The following ERO1B variants were observed in gnomAD, a reference collection of about 807,000 sequenced individuals.
The protein encoded by ERO1B is ERO1-like protein beta.
A neutral mutation model predicts 75.3 loss-of-function variants in ERO1B; 49 were observed. That is an observed-to-expected ratio of 0.65 (90% confidence interval 0.52 to 0.83). The LOEUF is 0.83. Ranked by LOEUF, ERO1B falls within the 40% of genes least tolerant of loss-of-function variation. The pLI, the probability that ERO1B is intolerant of heterozygous loss-of-function variation, is 0.00. For synonymous variants in ERO1B, 191 were observed against 192.9 expected, an observed-to-expected ratio of 0.99 and a Z score of 0.08; for missense variants, 512 against 560.1, an observed-to-expected ratio of 0.91 and a Z score of 0.87.
rs147228444 is a variant in ERO1B at position 236,256,322 on chromosome 1, G to C, written c.223-2817C>G. The stretch of plus-strand genomic sequence containing the variant: ...CCCTGGCTTGCTTCAGGGAACTCCA[G>C]ACCAAAAGGTTACTCCTGCAAGGTG... On this transcript the variant is annotated intron_variant, in intron 2 of 15. Coordinates refer to ENST00000354619, the MANE Select transcript of ERO1B (RefSeq NM_019891.4). 3.1e-3 allele frequency among the ~76,000 whole-genome samples: 473 copies of C among 152,162 alleles called. 8 individuals are homozygous for C. The highest frequency in any genetic ancestry group is 0.014 in the Admixed American group (220 of 15,288).
At chr1:236,253,268 T>G (rs1665082248) in intron 3 of ERO1B, among the ~76,000 whole-genome samples, 154 bp downstream of exon 3, 1 of 152,228 alleles carries the variant, frequency 6.6e-6, no homozygotes, top group South Asian at 2.1e-4. Flanking sequence ...GTATAGAATC[T>G]TCAATAATCT....
chr1:236,250,965 G>C (rs1421502715), intron 4 of ERO1B, among the ~76,000 whole-genome samples: 1 of 151,868 alleles, frequency 6.6e-6, no homozygotes, highest in East Asian at 1.9e-4. Context: ...ATGAGACAAA[G>C]GACAAAAATG....
In ERO1B at chr1:236,226,720, T is replaced by C. The variant is rs201707210; in HGVS notation, c.732A>G (p.Arg244=). ...GTCCCGATATAAGCTTATAGAAGAC[T>C]CTTTTCTCCAGACACAAACCTATTC... The part of the protein sequence containing the change: ...TWLEGLCLEK[R]VFYKLISGLH... The change falls in exon 11 of 16, where the codon AGA becomes AGG. Residue 244 remains arginine (R), a synonymous_variant. Transcript: ENST00000354619. 6.2e-6 allele frequency: 10 copies of C among 1,611,196 alleles called. No homozygotes were observed. The East Asian group carries it at 2.2e-4, about 36-fold the overall frequency.
At chr1:236,279,216 G>GA (rs1665769066) in intron 1 of ERO1B, among the ~76,000 whole-genome samples, 2 of 152,308 alleles carry the variant, frequency 1.3e-5, no homozygotes, top group Admixed American at 1.3e-4. Flanking sequence ...TCTAAAAGAT[G>GA]ATCAGGCCAG....
rs1665843408 is a variant in ERO1B at position 236,281,812 on chromosome 1, C to A, written c.-29G>T. 3 of 1,390,530 alleles carry A rather than the reference C, an allele frequency of 2.2e-6. No homozygotes were observed. Among genetic ancestry groups the A allele is most frequent in the Admixed American group, 5.4e-5 (2 of 37,254 alleles). 86.1% of individuals were successfully genotyped at this position (1,390,530 alleles called of 1,614,324 possible). On this transcript the variant is annotated 5_prime_UTR_variant, in exon 1 of 16. Coordinates refer to ENST00000354619, the MANE Select transcript of ERO1B (RefSeq NM_019891.4). Reference sequence around the variant, plus strand: ...GACCTCTACCCACACCGCGGCCAGCCGGACCCCTCGGGGCCGGGGAACGAC... The same window carrying A: ...GACCTCTACCCACACCGCGGCCAGCAGGACCCCTCGGGGCCGGGGAACGAC...
At chr1:236,258,503 G>A (rs187329859) in intron 2 of ERO1B, among the ~76,000 whole-genome samples, 1 of 152,150 alleles carries the variant, frequency 6.6e-6, no homozygotes, top group African/African-American at 2.4e-5. Context: ...AAAACGTAAG[G>A]AAATTTATCA....
At chr1:236,222,292 T>C (rs1009004689) in intron 13 of ERO1B, among the ~76,000 whole-genome samples, 11 of 152,178 alleles carry the variant, frequency 7.2e-5, no homozygotes, top group Non-Finnish European at 1.3e-4. Context: ...TTTGTATTTT[T>C]AGTAGAGACG....
At position 236,226,392 on chromosome 1, in the gene ERO1B, T is replaced by G. The variant is rs766994953; in HGVS notation, c.929A>C (p.Glu310Ala). ...LKNLYFLYLI[E>A]LRALSKVAPY... is the part of the protein sequence containing the mutation. ...AGCCACCTTTGACAAAGCTCGAAGC[T>G]CAATCAAGTATAAAAAGTAAAGATT... The change falls in exon 12 of 16, where the codon GAG (glutamate) becomes GCG (alanine). Residue 310 changes from glutamate to alanine, a missense_variant. Transcript: ENST00000354619. The G allele has an allele frequency of 3.7e-6, 6 of 1,614,154 alleles. No individual in the cohort carries two copies. The South Asian group carries it at 6.6e-5, about 18-fold the overall frequency.
intron 5 of ERO1B, among the ~76,000 whole-genome samples, chr1:236,245,369 C>T (rs1189979134): frequency 6.1e-5 from 3 of 49,424 alleles, no homozygotes; most frequent in South Asian, 6.5e-4. Context: ...TATATATATA[C>T]GTATATATAT....
Position 236,269,832 on chromosome 1 carries a change from A to G in ERO1B, c.222+43T>C, listed in dbSNP as rs563086895. 13 of 1,394,156 alleles carry G rather than the reference A, an allele frequency of 9.3e-6. No homozygotes were observed. The African/African-American group carries it at 2.0e-4, about 22-fold the overall frequency. The allele number at this position is 1,394,156 out of a possible 1,614,324, so 86.4% of individuals were successfully genotyped here. Reference sequence around the variant, plus strand: ...TTCAAAAGGATCATAAAGGTCACATATAATACCTTTGATATCAACAGAATA... The same window carrying G: ...TTCAAAAGGATCATAAAGGTCACATGTAATACCTTTGATATCAACAGAATA... On this transcript the variant is annotated intron_variant, in intron 2 of 15. Transcript: ENST00000354619.
At chr1:236,263,863 A>T (rs1260699479) in intron 2 of ERO1B, among the ~76,000 whole-genome samples, 1 of 137,140 alleles carries the variant, frequency 7.3e-6, no homozygotes, top group East Asian at 2.1e-4. Context: ...GGCTCAAGCG[A>T]TACTTCCAGC....
chr1:236,247,780 G>C lies in ERO1B; in HGVS notation c.431+2105C>G, dbSNP rs1017382308. ...TTGATGACTGTGCTGCAGTTACATT[G>C]GTCTTATTGTGTTTAAGTCTAGGCA... On this transcript the variant is annotated intron_variant, in intron 5 of 15. Coordinates refer to ENST00000354619, the MANE Select transcript of ERO1B (RefSeq NM_019891.4). Among the ~76,000 whole-genome samples the C allele has an allele frequency of 5.9e-5, 9 of 152,140 alleles. No individual in the cohort carries two copies. The South Asian group carries it at 1.9e-3, about 32-fold the overall frequency.
chr1:236,221,438 TAGAA>T (rs1274005708), intron 14 of ERO1B, among the ~76,000 whole-genome samples: 1 of 152,170 alleles, frequency 6.6e-6, no homozygotes, highest in Non-Finnish European at 1.5e-5. Flanking sequence ...CCATCTTTGT[TAGAA>T]AGAGATAAAA....
chr1:236,263,995 A>T (rs1289660540), intron 2 of ERO1B, among the ~76,000 whole-genome samples: 1 of 151,470 alleles, frequency 6.6e-6, no homozygotes, highest in Non-Finnish European at 1.5e-5. Flanking sequence ...ATTTATGAAG[A>T]TATTGACTTT....
At chr1:236,280,886 A>G (rs1351922636) in intron 1 of ERO1B, among the ~76,000 whole-genome samples, 1 of 152,212 alleles carries the variant, frequency 6.6e-6, no homozygotes, top group Admixed American at 6.5e-5. Flanking sequence ...AATTCTACTG[A>G]ATAGAAGCAA....
chr1:236,262,673 G>A (rs962201830), intron 2 of ERO1B, among the ~76,000 whole-genome samples: 2 of 152,146 alleles, frequency 1.3e-5, no homozygotes. Flanking sequence ...CCAAAGTGCT[G>A]GGATTACGAG....
intron 2 of ERO1B, among the ~76,000 whole-genome samples, chr1:236,253,808 C>T (rs1351888554): frequency 6.6e-6 from 1 of 152,162 alleles, no homozygotes; most frequent in African/African-American, 2.4e-5. Context: ...ACTGAGCATC[C>T]ACTATGTGTC....
intron 5 of ERO1B, among the ~76,000 whole-genome samples, chr1:236,244,632 T>C (rs956559308): frequency 6.6e-5 from 10 of 152,300 alleles, no homozygotes; most frequent in African/African-American, 2.4e-4. Flanking sequence ...TTTCAGGAAA[T>C]TTCTTCTTTG....
intron 9 of ERO1B, among the ~76,000 whole-genome samples, chr1:236,232,065 A>G (rs1664423371): frequency 6.6e-6 from 1 of 152,116 alleles, no homozygotes; most frequent in South Asian, 2.1e-4. Flanking sequence ...CCATTATTCA[A>G]AATTCACCTC....
Sources: gnomAD v4.1 joint callset for allele counts (sites outside exome capture counted in the v4.1 genomes callset) on GRCh38, gnomAD v4.1.1 for gene constraint, MANE v1.5 for transcripts, NCBI Gene and HGNC (gene_info 2026-07-23, HGNC 2026-07-21) for gene names.